MCTP1: variants seen among roughly 807,000 people sequenced by gnomAD.
MCTP1 encodes the protein multiple C2 and transmembrane domain containing 1, also known as multiple C2 and transmembrane domain-containing protein 1.
In MCTP1, 69 loss-of-function variants were observed where a neutral mutation model predicts 120.6. The ratio of observed to expected loss-of-function variants is 0.57; its 90% CI spans 0.47 to 0.70. The LOEUF is 0.70. Among genes scored for constraint, MCTP1 ranks in the 30% least tolerant of loss-of-function variants. The pLI, the probability that MCTP1 is intolerant of heterozygous loss-of-function variation, is 0.00. For synonymous variants in MCTP1, 529 were observed against 493.1 expected, an observed-to-expected ratio of 1.07 and a Z score of -0.96; for missense variants, 1,203 against 1,248.8, an observed-to-expected ratio of 0.96 and a Z score of 0.55.
At chr5:94,990,498 G>A (rs1831325178) in intron 2 of MCTP1, among the ~76,000 whole-genome samples, 1 of 152,144 alleles carries the variant, frequency 6.6e-6, no homozygotes, top group South Asian at 2.1e-4. Flanking sequence ...CAGCCTGGAT[G>A]TTTGCCTCTT....
chr5:95,239,557 T>C (rs1191104639), intron 1 of MCTP1, among the ~76,000 whole-genome samples: 1 of 152,082 alleles, frequency 6.6e-6, no homozygotes, highest in Non-Finnish European at 1.5e-5. Context: ...TTCCTAGAGG[T>C]CTGTAATTGA....
intron 2 of MCTP1, among the ~76,000 whole-genome samples, chr5:94,961,783 A>G (rs1300271054): frequency 6.6e-6 from 1 of 152,162 alleles, no homozygotes; most frequent in East Asian, 1.9e-4. Context: ...GTTTGACCAC[A>G]TTCTTCTTCT....
At chr5:94,770,760 T>G (rs116278543) in intron 19 of MCTP1, among the ~76,000 whole-genome samples, 284 of 152,274 alleles carry the variant, frequency 1.9e-3, no homozygotes, top group African/African-American at 6.7e-3. Context: ...GAGGCATGAG[T>G]ATGTAATTAT....
At chr5:95,237,632 T>A (rs573251557) in intron 1 of MCTP1, among the ~76,000 whole-genome samples, 34 of 152,284 alleles carry the variant, frequency 2.2e-4, no homozygotes, top group South Asian at 1.0e-3. Flanking sequence ...CCTGGCAAAT[T>A]GCAGTGGAAC....
intron 10 of MCTP1, among the ~76,000 whole-genome samples, chr5:94,905,872 A>G (rs1806747754): frequency 6.6e-6 from 1 of 152,196 alleles, no homozygotes; most frequent in Admixed American, 6.5e-5. Flanking sequence ...GATGAAGAAG[A>G]TGCCCAAAGA....
At chr5:94,909,505 A>G in intron 9 of MCTP1, 124 bp from the exon 10 acceptor site, 1 of 880,306 alleles carries the variant, frequency 1.1e-6, no homozygotes, top group Non-Finnish European at 1.7e-6. Context: ...GCTATTTGAA[A>G]AAAAGATTAC....
chr5:94,861,994 G>A (rs1359952518), intron 17 of MCTP1, among the ~76,000 whole-genome samples: 2 of 151,708 alleles, frequency 1.3e-5, no homozygotes, highest in African/African-American at 2.4e-5. Context: ...GCACCATTGA[G>A]GCACATGAGA....
At chr5:94,935,370 G>C (rs545340163) in intron 5 of MCTP1, among the ~76,000 whole-genome samples, 1 of 151,972 alleles carries the variant, frequency 6.6e-6, no homozygotes, top group East Asian at 1.9e-4. Flanking sequence ...ATAATTCATG[G>C]AACGTATTGT....
chr5:95,141,716 C>G (rs1451357651), intron 1 of MCTP1, among the ~76,000 whole-genome samples: 1 of 152,098 alleles, frequency 6.6e-6, no homozygotes, highest in Admixed American at 6.5e-5. Context: ...CCCTCCCTTC[C>G]TTCCTTTCTT....
chr5:94,759,504 T>G (rs1561586573), intron 19 of MCTP1, among the ~76,000 whole-genome samples: 1 of 152,156 alleles, frequency 6.6e-6, no homozygotes, highest in Non-Finnish European at 1.5e-5. Flanking sequence ...ACTATACATA[T>G]GATAGTTATA....
rs554876207 is a variant in MCTP1 at position 94,987,219 on chromosome 5, C to T, written c.838+30148G>A. On this transcript the variant is annotated intron_variant, in intron 2 of 22. Transcript: ENST00000515393. ...GTTCTTACCACTTTGCATGTCTTAA[C>T]TCAGTAAGTCTTCATAATAATTTTA... is the stretch of plus-strand genomic sequence containing the variant. Among the ~76,000 whole-genome samples the T allele has an allele frequency of 5.3e-5, 8 of 152,194 alleles. No homozygotes were observed. The South Asian group carries it at 1.7e-3, about 32-fold the overall frequency.
At chr5:95,036,334 C>T (rs1472711414) in intron 1 of MCTP1, among the ~76,000 whole-genome samples, 2 of 152,174 alleles carry the variant, frequency 1.3e-5, no homozygotes, top group African/African-American at 4.8e-5. Context: ...GAGGGAAGCT[C>T]GTGTAGCAGA....
chr5:94,979,677 A>T (rs747343048), intron 2 of MCTP1: 3 of 152,094 alleles, frequency 2.0e-5, no homozygotes, highest in Non-Finnish European at 4.4e-5. Flanking sequence ...CTACTCTGTC[A>T]ACCACAGGCT....
chr5:94,930,137 G>T (rs147932610), intron 6 of MCTP1, among the ~76,000 whole-genome samples: 1 of 150,694 alleles, frequency 6.6e-6, no homozygotes, highest in Non-Finnish European at 1.5e-5. Flanking sequence ...AAACAGTAGA[G>T]GATAGATGTT....
Position 94,774,077 on chromosome 5 carries a change from G to A in MCTP1, c.2610+5033C>T, listed in dbSNP as rs1486490569. ...CAAAAAATTAGCCGGGCGTAGTGGCGGGCGCCTGTAGTCCCAGCTACTTGG... is the reference window on the plus strand; with the variant it reads ...CAAAAAATTAGCCGGGCGTAGTGGCAGGCGCCTGTAGTCCCAGCTACTTGG... On this transcript the variant is annotated intron_variant, in intron 19 of 22. Transcript: ENST00000515393. 4.8e-4 allele frequency among the ~76,000 whole-genome samples: 41 copies of A among 85,756 alleles called. 8 individuals carry two copies. Among genetic ancestry groups the A allele is most frequent in the East Asian group, 1.8e-3 (4 of 2,174 alleles). 56.3% of individuals were successfully genotyped at this position (85,756 alleles called of 152,430 possible). A position where few individuals can be genotyped will look rare whatever the true frequency, so the allele number is the denominator to read the frequency against.
chr5:94,787,525 GAT>G (rs1263358326), intron 18 of MCTP1, among the ~76,000 whole-genome samples: 2 of 152,058 alleles, frequency 1.3e-5, no homozygotes, highest in Non-Finnish European at 2.9e-5. Context: ...CTTCAAGAGA[GAT>G]AGTGACATAT....
In MCTP1 at chr5:94,834,712, G is replaced by A. The variant is rs577832483; in HGVS notation, c.2436+33621C>T. Among the ~76,000 whole-genome samples the A allele has an allele frequency of 2.0e-5, 3 of 152,214 alleles. No individual in the cohort carries two copies. The East Asian group carries it at 5.8e-4, about 29-fold the overall frequency. ...GTGCATGAGTGGCAATCTGGACAGAGTGTGGAGGGTCTAACCCACAATAAC... is the reference window on the plus strand; with the variant it reads ...GTGCATGAGTGGCAATCTGGACAGAATGTGGAGGGTCTAACCCACAATAAC... On this transcript the variant is annotated intron_variant, in intron 17 of 22. Coordinates refer to ENST00000515393, the MANE Select transcript of MCTP1 (RefSeq NM_024717.7).
rs1343026009 is a variant in MCTP1, at chr5:94,844,680, G to A, written c.2436+23653C>T. On this transcript the variant is annotated intron_variant, in intron 17 of 22. Transcript: ENST00000515393. ...GGAACCCAGCAGCTCCCCAACTGCTGGCTGTAGGAACACTTTTCTGAACCT... is the reference window on the plus strand; with the variant it reads ...GGAACCCAGCAGCTCCCCAACTGCTAGCTGTAGGAACACTTTTCTGAACCT... Among the ~76,000 whole-genome samples, 5 of 152,036 alleles carry A rather than the reference G, an allele frequency of 3.3e-5. No homozygotes were observed. In the South Asian group the frequency reaches 6.2e-4, roughly 19 times the overall value.
At chr5:94,950,993 T>C (rs1192014451) in intron 3 of MCTP1, among the ~76,000 whole-genome samples, 1 of 151,544 alleles carries the variant, frequency 6.6e-6, no homozygotes, top group Non-Finnish European at 1.5e-5. Flanking sequence ...GGGGTACAAG[T>C]ACAGTTGTGT....
Sources: gnomAD v4.1 joint callset for allele counts (sites outside exome capture counted in the v4.1 genomes callset) on GRCh38, gnomAD v4.1.1 for gene constraint, MANE v1.5 for transcripts, NCBI Gene and HGNC (gene_info 2026-07-23, HGNC 2026-07-21) for gene names.